Variants in DLGAP2 observed in about 807,000 individuals in gnomAD.
DLGAP2 encodes the protein disks large-associated protein 2.
DLGAP2 carries 26 observed loss-of-function variants against 100.3 expected under a neutral mutation model. The observed-to-expected ratio is 0.26, with a 90% CI of 0.19 to 0.36. The LOEUF is 0.36. Among genes scored for constraint, DLGAP2 ranks in the 10% least tolerant of loss-of-function variants. The pLI, the probability that DLGAP2 is intolerant of heterozygous loss-of-function variation, is 1.00. For missense variants in DLGAP2, 1,858 were observed against 1,453.2 expected, an observed-to-expected ratio of 1.28 and a Z score of -4.53; for synonymous variants, 886 against 630.1, an observed-to-expected ratio of 1.41 and a Z score of -6.08.
At chr8:785,095 T>C (rs1297800408) in intron 1 of DLGAP2, among the ~76,000 whole-genome samples, 1 of 151,750 alleles carries the variant, frequency 6.6e-6, no homozygotes, top group African/African-American at 2.4e-5. Context: ...CAGGCGCCTG[T>C]AGTCCCAGCT....
intron 1 of DLGAP2, among the ~76,000 whole-genome samples, chr8:817,519 T>C (rs1796504659): frequency 6.6e-6 from 1 of 152,198 alleles, no homozygotes; most frequent in Non-Finnish European, 1.5e-5. Flanking sequence ...ATATGATCTT[T>C]TGGGGGTGGT....
chr8:1,043,307 G>A (rs1802423198), intron 2 of DLGAP2, among the ~76,000 whole-genome samples: 2 of 138,104 alleles, frequency 1.4e-5, no homozygotes, highest in Non-Finnish European at 3.2e-5. Flanking sequence ...GGTGGTGGGT[G>A]TGGGTGATGG....
chr8:1,151,663 T>A (rs1454296135), intron 2 of DLGAP2, among the ~76,000 whole-genome samples: 1 of 152,214 alleles, frequency 6.6e-6, no homozygotes, highest in Non-Finnish European at 1.5e-5. Flanking sequence ...TTCCGGTGCC[T>A]GTGGTTTCTC....
At chr8:967,380 C>A (rs369390525) in intron 2 of DLGAP2, among the ~76,000 whole-genome samples, 1 of 152,012 alleles carries the variant, frequency 6.6e-6, no homozygotes, top group Non-Finnish European at 1.5e-5. Flanking sequence ...GCTTTGGGTG[C>A]CTGTGGTTTT....
chr8:1,366,171 T>C (rs567596781), intron 3 of DLGAP2, among the ~76,000 whole-genome samples: 1 of 152,376 alleles, frequency 6.6e-6, no homozygotes, highest in Admixed American at 6.5e-5. Context: ...TTCTCTCCTT[T>C]TCCCTCCATT....
At chr8:1,217,836 AT>A (rs1482445991) in intron 2 of DLGAP2, among the ~76,000 whole-genome samples, 4 of 152,078 alleles carry the variant, frequency 2.6e-5, no homozygotes, top group Non-Finnish European at 4.4e-5. Context: ...TGATTTTGAT[AT>A]GCATTTCTAT....
At chr8:1,226,232 T>C (rs1252952126) in intron 2 of DLGAP2, among the ~76,000 whole-genome samples, 1 of 151,994 alleles carries the variant, frequency 6.6e-6, no homozygotes, top group Non-Finnish European at 1.5e-5. Flanking sequence ...AACGCAAATG[T>C]CCATCAATGA....
intron 8 of DLGAP2, among the ~76,000 whole-genome samples, chr8:1,640,721 A>G (rs1797877582): frequency 6.6e-6 from 1 of 152,142 alleles, no homozygotes; most frequent in South Asian, 2.1e-4. Context: ...GCACAGCACC[A>G]AGACCGTCAA....
intron 5 of DLGAP2, among the ~76,000 whole-genome samples, chr8:1,560,467 A>G (rs889735649): frequency 9.2e-5 from 14 of 152,122 alleles, no homozygotes; most frequent in African/African-American, 2.4e-4. Flanking sequence ...GCCATCCCCT[A>G]TGATACAGTA....
At chr8:1,373,180 G>A (rs1802288987) in intron 3 of DLGAP2, among the ~76,000 whole-genome samples, 1 of 152,196 alleles carries the variant, frequency 6.6e-6, no homozygotes, top group Non-Finnish European at 1.5e-5. Flanking sequence ...TGGAGCGTTT[G>A]CATTTGCTGC....
intron 2 of DLGAP2, among the ~76,000 whole-genome samples, chr8:1,206,265 C>T (rs1797987084): frequency 1.3e-5 from 2 of 152,088 alleles, no homozygotes; most frequent in African/African-American, 4.8e-5. Context: ...CCTGCAGCTC[C>T]AGCCATCCAT....
chr8:1,273,287 G>A (rs1795339312), intron 3 of DLGAP2, among the ~76,000 whole-genome samples: 1 of 151,986 alleles, frequency 6.6e-6, no homozygotes, highest in Admixed American at 6.5e-5. Flanking sequence ...AAGTCCGGGA[G>A]CCACGTGGGC....
At chr8:1,662,457 C>T (rs953029650) in intron 8 of DLGAP2, among the ~76,000 whole-genome samples, 13 of 152,176 alleles carry the variant, frequency 8.5e-5, no homozygotes, top group South Asian at 4.1e-4. Flanking sequence ...AGGATTCTGA[C>T]GTGCACTCTT....
At position 1,697,394 on chromosome 8, in the gene DLGAP2, G is replaced by C. The variant is rs1799428236; in HGVS notation, c.2949+95G>C. 8 of 1,483,996 alleles carry C rather than the reference G, an allele frequency of 5.4e-6. No homozygotes were observed. In the African/African-American group the frequency reaches 5.6e-5, roughly 10 times the overall value. 91.9% of individuals were successfully genotyped at this position (1,483,996 alleles called of 1,614,324 possible). A position where few individuals can be genotyped will look rare whatever the true frequency, so the allele number is the denominator to read the frequency against. On this transcript the variant is annotated intron_variant, in intron 14 of 14. Coordinates refer to ENST00000637795, the MANE Select transcript of DLGAP2 (RefSeq NM_001346810.2). ...ATAGAGCATGACAACGGGGTTCTCA[G>C]TCTTTTGCTGGCAACACACGAGCAA...
chr8:1,697,547 G>A (rs769758038), intron 14 of DLGAP2, among the ~76,000 whole-genome samples: 7 of 152,218 alleles, frequency 4.6e-5, no homozygotes, highest in Non-Finnish European at 1.0e-4. Context: ...CCCCTGCTCT[G>A]TCTCTTCTAT....
intron 4 of DLGAP2, among the ~76,000 whole-genome samples, chr8:1,546,846 C>G (rs1801556258): frequency 6.6e-6 from 1 of 152,060 alleles, no homozygotes; most frequent in Admixed American, 6.5e-5. Context: ...AGCTGGCAGG[C>G]AGGAATTCGT....
intron 1 of DLGAP2, among the ~76,000 whole-genome samples, chr8:748,675 T>A (rs750817717): frequency 3.9e-5 from 6 of 152,318 alleles, no homozygotes; most frequent in Non-Finnish European, 8.8e-5. Flanking sequence ...GCAAATGGCC[T>A]CACTGAGGAG....
chr8:993,693 G>A (rs1018559808), intron 2 of DLGAP2, among the ~76,000 whole-genome samples: 16 of 151,412 alleles, frequency 1.1e-4, no homozygotes, highest in Admixed American at 3.3e-4. Context: ...CAGTACACTC[G>A]TGCCTCTCAG....
chr8:1,045,630 C>T (rs71516148), intron 2 of DLGAP2, among the ~76,000 whole-genome samples: 1 of 152,280 alleles, frequency 6.6e-6, no homozygotes, highest in Middle Eastern at 3.4e-3. Context: ...CCTTTGACCT[C>T]CCCAACCGCG....
Sources: allele counts gnomAD v4.1 joint callset (sites outside exome capture counted in the v4.1 genomes callset), GRCh38; gene constraint gnomAD v4.1.1; transcripts MANE v1.5; gene names NCBI Gene and HGNC (gene_info 2026-07-23, HGNC 2026-07-21).